The following RBFOX1 variants were observed in gnomAD, a reference collection of about 807,000 sequenced individuals.
RBFOX1 encodes the protein RNA binding protein fox-1 homolog 1.
A neutral mutation model predicts 57.7 loss-of-function variants in RBFOX1; 8 were observed. The ratio of observed to expected loss-of-function variants is 0.14; its 90% CI spans 0.08 to 0.25. The LOEUF is 0.25. RBFOX1 is among the 10% of genes least tolerant of loss of function. RBFOX1 has a pLI of 1.00. For synonymous variants in RBFOX1, 326 were observed against 222.4 expected (o/e 1.47, Z -4.15); for missense variants, 611 against 548.5 (o/e 1.11, Z -1.14).
intron 1 of RBFOX1, among the ~76,000 whole-genome samples, chr16:6,210,377 A>AAAAAAAAAAAAAAAAAAAAAAAAAAG (rs1555552426): frequency 7.8e-6 from 1 of 128,442 alleles, no homozygotes; most frequent in Non-Finnish European, 1.7e-5. Flanking sequence ...AAAAAAAAAA[A>AAAAAAAAAAAAAAAAAAAAAAAAAAG]AGAGAAAGGA....
chr16:5,731,390 GTAT>G, intron 3 of RBFOX1, among the ~76,000 whole-genome samples: 1 of 152,196 alleles, frequency 6.6e-6, no homozygotes, highest in South Asian at 2.1e-4. Flanking sequence ...TCTTTGTCAG[GTAT>G]TATGCTAAAA....
intron 4 of RBFOX1, among the ~76,000 whole-genome samples, chr16:7,517,768 C>G (rs577964489): frequency 1.0e-4 from 15 of 148,630 alleles, no homozygotes; most frequent in Non-Finnish European, 2.1e-4. Context: ...GCTGTCACTG[C>G]AGACAACTAA....
At chr16:7,308,697 A>T (rs957861901) in intron 4 of RBFOX1, among the ~76,000 whole-genome samples, 1 of 152,316 alleles carries the variant, frequency 6.6e-6, no homozygotes, top group South Asian at 2.1e-4. Context: ...CCTGCATATC[A>T]ACCCTTTCTG....
At chr16:6,521,390 C>G (rs1598798696) in intron 2 of RBFOX1, among the ~76,000 whole-genome samples, 1 of 151,546 alleles carries the variant, frequency 6.6e-6, no homozygotes, top group South Asian at 2.1e-4. Flanking sequence ...CTTTCCTTCC[C>G]TCTCTCCCTC....
chr16:6,028,043 A>G (rs1008131314), intron 1 of RBFOX1, among the ~76,000 whole-genome samples: 1 of 152,206 alleles, frequency 6.6e-6, no homozygotes, highest in African/African-American at 2.4e-5. Context: ...AGCCCTGGCT[A>G]GATCCCAGGG....
intron 3 of RBFOX1, among the ~76,000 whole-genome samples, chr16:6,730,204 G>A (rs1306155202): frequency 6.6e-6 from 1 of 152,108 alleles, no homozygotes; most frequent in Admixed American, 6.5e-5. Flanking sequence ...AGGGGACATA[G>A]GAACAAAGCC....
chr16:5,412,993 G>A (rs938836484), intron 1 of RBFOX1, among the ~76,000 whole-genome samples: 10 of 152,198 alleles, frequency 6.6e-5, no homozygotes, highest in Admixed American at 2.6e-4. Flanking sequence ...GGAGCTGGCC[G>A]TGCCTTCCTG....
chr16:5,512,202 G>A (rs1031587832), intron 2 of RBFOX1, among the ~76,000 whole-genome samples: 2 of 152,230 alleles, frequency 1.3e-5, no homozygotes, highest in African/African-American at 4.8e-5. Flanking sequence ...GGTGAGCACA[G>A]CTGGGTGAGA....
intron 2 of RBFOX1, among the ~76,000 whole-genome samples, chr16:6,357,196 T>G (rs972163540): frequency 1.5e-4 from 23 of 152,084 alleles, no homozygotes; most frequent in African/African-American, 5.6e-4. Context: ...CTTTGCACGC[T>G]ATTGTACAAC....
chr16:6,369,457 C>G (rs1359790121), intron 2 of RBFOX1, among the ~76,000 whole-genome samples: 1 of 152,136 alleles, frequency 6.6e-6, no homozygotes, highest in Non-Finnish European at 1.5e-5. Flanking sequence ...AACAGTGCAA[C>G]CACTCATTAT....
chr16:6,297,876 C>G (rs2078317396), intron 1 of RBFOX1, among the ~76,000 whole-genome samples: 1 of 152,186 alleles, frequency 6.6e-6, no homozygotes, highest in South Asian at 2.1e-4. Context: ...CATCTTCCCA[C>G]TCCATCCCCT....
At chr16:5,404,451 G>A (rs1180023358) in intron 1 of RBFOX1, among the ~76,000 whole-genome samples, 1 of 152,136 alleles carries the variant, frequency 6.6e-6, no homozygotes, top group East Asian at 1.9e-4. Context: ...CTTAGAGAAA[G>A]TTTCTCCCGA....
At chr16:5,389,151 A>G (rs865814565) in intron 1 of RBFOX1, among the ~76,000 whole-genome samples, 1 of 151,950 alleles carries the variant, frequency 6.6e-6, no homozygotes, top group Middle Eastern at 3.4e-3. Flanking sequence ...AGATCGCGCC[A>G]CTGCACTCCA....
intron 1 of RBFOX1, among the ~76,000 whole-genome samples, chr16:6,175,309 G>GT (rs1294335558): frequency 6.6e-6 from 1 of 152,290 alleles, no homozygotes; most frequent in African/African-American, 2.4e-5. Flanking sequence ...CACAAAAGAT[G>GT]TTAATAGGAG....
chr16:5,991,197 A>T (rs1482250838), intron 4 of RBFOX1, among the ~76,000 whole-genome samples: 2 of 152,144 alleles, frequency 1.3e-5, no homozygotes, highest in Non-Finnish European at 2.9e-5. Flanking sequence ...CCTCATGGCA[A>T]TCCCACTAGG....
chr16:6,804,499 G>C (rs1256886929), intron 3 of RBFOX1, among the ~76,000 whole-genome samples: 1 of 152,094 alleles, frequency 6.6e-6, no homozygotes, highest in Non-Finnish European at 1.5e-5. Flanking sequence ...ACAGCTCTAG[G>C]TGCATAAATA....
chr16:6,948,186 C>G (rs56905266), intron 3 of RBFOX1, among the ~76,000 whole-genome samples: 3 of 151,980 alleles, frequency 2.0e-5, no homozygotes, highest in Admixed American at 1.3e-4. Context: ...AATCCCAGCA[C>G]TTTGGGAGGC....
intron 3 of RBFOX1, among the ~76,000 whole-genome samples, chr16:6,904,341 C>G (rs931703036): frequency 6.6e-6 from 1 of 151,960 alleles, no homozygotes; most frequent in Non-Finnish European, 1.5e-5. Flanking sequence ...TGGCTCATGC[C>G]TGTAATCCCA....
chr16:6,032,451 C>T (rs1216264513), intron 1 of RBFOX1, among the ~76,000 whole-genome samples: 3 of 152,156 alleles, frequency 2.0e-5, no homozygotes, highest in Non-Finnish European at 2.9e-5. Context: ...GAAAGGGATC[C>T]ACTCCAGGGA....
Sources: allele counts gnomAD v4.1 joint callset (sites outside exome capture counted in the v4.1 genomes callset), GRCh38; gene constraint gnomAD v4.1.1; transcripts MANE v1.5; gene names NCBI Gene and HGNC (gene_info 2026-07-23, HGNC 2026-07-21).